HRH2: variants seen among roughly 807,000 people sequenced by gnomAD.
The protein encoded by HRH2 is histamine receptor H2.
A neutral mutation model predicts 20.1 loss-of-function variants in HRH2; 4 were observed. That is an observed-to-expected ratio of 0.20 (90% CI 0.10 to 0.45). The LOEUF (loss-of-function observed/expected upper bound fraction) is 0.45, where lower values mean the gene tolerates loss of function less well. HRH2 is among the 20% of genes least tolerant of loss of function. HRH2 has a pLI of 0.99. For missense variants in HRH2, 250 were observed against 461.6 expected (o/e 0.54, Z 4.20); for synonymous variants, 197 against 200.7 (o/e 0.98, Z 0.16).
intron 1 of HRH2, among the ~76,000 whole-genome samples, chr5:175,664,582 G>T (rs550328925): frequency 6.6e-6 from 1 of 152,144 alleles, no homozygotes; most frequent in African/African-American, 2.4e-5. Context: ...AATCAGCGGC[G>T]CAGACCTTGA....
At chr5:175,692,882 CTAA>C (rs1176573855) in intron 2 of HRH2, among the ~76,000 whole-genome samples, 5 of 152,208 alleles carry the variant, frequency 3.3e-5, no homozygotes, top group Non-Finnish European at 1.5e-5. Context: ...GTTTTTTATA[CTAA>C]TGAGTCGCTC....
chr5:175,678,508 G>A (rs184433309), intron 1 of HRH2, among the ~76,000 whole-genome samples: 40 of 152,310 alleles, frequency 2.6e-4, no homozygotes, highest in African/African-American at 9.6e-4. Flanking sequence ...CAGCAACAGC[G>A]CTGGAATTAG....
rs575534301 is a variant in HRH2 at position 175,687,781 on chromosome 5, A to C, written c.1076+3472A>C. Reference sequence around the variant, plus strand: ...TCACAGTGAGCTCCCTAAATTATGAATCTCAGTGTAGTGCCCCTGCTCAGG... The same window carrying C: ...TCACAGTGAGCTCCCTAAATTATGACTCTCAGTGTAGTGCCCCTGCTCAGG... On this transcript the variant is annotated intron_variant, in intron 2 of 2. Coordinates refer to ENST00000636584, the MANE Select transcript of HRH2 (RefSeq NM_001367711.1). This position sits in a 1 kb window ranked among gnomAD's most constrained non-coding sequence, Gnocchi z 5.2. 1.3e-5 allele frequency among the ~76,000 whole-genome samples: 2 copies of C among 151,994 alleles called. No individual in the cohort carries two copies. The highest frequency in any genetic ancestry group is 2.4e-5 in the African/African-American group (1 of 41,422).
At chr5:175,688,542 G>A (rs954946977) in intron 2 of HRH2, among the ~76,000 whole-genome samples, 2 of 152,264 alleles carry the variant, frequency 1.3e-5, no homozygotes, top group Admixed American at 1.3e-4. Context: ...CTCTACAGCA[G>A]GCGTTGTCAC....
chr5:175,701,742 C>T (rs1291733964), intron 2 of HRH2, among the ~76,000 whole-genome samples: 2 of 152,076 alleles, frequency 1.3e-5, no homozygotes, highest in Admixed American at 6.6e-5. Flanking sequence ...TGGGGAAGGT[C>T]GAATTCTGAA....
At chr5:175,685,522 TATG>T in intron 2 of HRH2, 1 of 1,504,048 alleles carries the variant, frequency 6.6e-7, no homozygotes, top group Non-Finnish European at 9.1e-7. Context: ...TGCCAGGAAT[TATG>T]ATGAATACTG....
chr5:175,689,992 G>A (rs527558284), intron 2 of HRH2, among the ~76,000 whole-genome samples: 1 of 152,350 alleles, frequency 6.6e-6, no homozygotes, highest in Non-Finnish European at 1.5e-5. Context: ...TGATACACAC[G>A]CTTCTGAAGA....
Position 175,683,578 on chromosome 5 carries a change from C to A in HRH2, c.345C>A (p.Asp115Glu). 1 of 1,614,192 alleles carries A rather than the reference C, an allele frequency of 6.2e-7. No individual in the cohort carries two copies. The highest frequency in any genetic ancestry group is 8.5e-7 in the Non-Finnish European group (1 of 1,180,042). The change falls in exon 2 of 3, where the codon GAC (aspartate) becomes GAA (glutamate). Residue 115 changes from aspartate (D) to glutamate (E), a missense_variant. Asp to Glu is a conservative substitution (Grantham distance 45, BLOSUM62 2). Transcript: ENST00000636584. The stretch of plus-strand genomic sequence containing the variant: ...TTAACCTCTTCATGATCAGCCTCGA[C>A]CGGTACTGCGCTGTCATGGACCCAC... Reference protein sequence around the residue: ...SILNLFMISLDRYCAVMDPLR... With the variant: ...SILNLFMISLERYCAVMDPLR...
Position 175,683,158 on chromosome 5 carries a change from G to T in HRH2, c.-76G>T. The T allele has an allele frequency of 6.6e-7, 1 of 1,516,040 alleles. No homozygotes were observed. The highest frequency in any genetic ancestry group is 8.9e-7 in the Non-Finnish European group (1 of 1,122,586). 93.9% of individuals were successfully genotyped at this position (1,516,040 alleles called of 1,614,324 possible). ...TTGGGAGCTTGGAGTCCAGTGGTTG[G>T]CATAGTTGTCACATTGGGAGCAGAG... On this transcript the variant is annotated 5_prime_UTR_variant, in exon 2 of 3. Transcript: ENST00000636584.
intron 1 of HRH2, among the ~76,000 whole-genome samples, chr5:175,659,092 C>G (rs2113461119): frequency 6.6e-6 from 1 of 152,216 alleles, no homozygotes; most frequent in African/African-American, 2.4e-5. Flanking sequence ...ATCGGTGAAG[C>G]TGGGTGGTGG....
At chr5:175,706,374 C>G (rs918621419) in intron 2 of HRH2, among the ~76,000 whole-genome samples, 1 of 152,176 alleles carries the variant, frequency 6.6e-6, no homozygotes, top group Non-Finnish European at 1.5e-5. Context: ...TGTTTATTTT[C>G]TTTTTAGTTA....
At chr5:175,670,163 G>A (rs1755474552) in intron 1 of HRH2, among the ~76,000 whole-genome samples, 1 of 152,114 alleles carries the variant, frequency 6.6e-6, no homozygotes. Context: ...AAGAGTAATT[G>A]GAGCCAGGCC....
chr5:175,683,081 A>AC lies in HRH2; in HGVS notation c.-148dup. 1.2e-6 allele frequency: 1 copy of AC among 863,994 alleles called. No homozygotes were observed. The highest frequency in any genetic ancestry group is 1.8e-5 in the South Asian group (1 of 56,916). 53.5% of individuals were successfully genotyped at this position (863,994 alleles called of 1,614,324 possible). A position where few individuals can be genotyped will look rare whatever the true frequency, so the allele number is the denominator to read the frequency against. On this transcript the variant is annotated 5_prime_UTR_variant, in exon 2 of 3. Coordinates refer to ENST00000636584, the MANE Select transcript of HRH2 (RefSeq NM_001367711.1). ...AGAGTCAGTCATTGAAGCCTTCCCC[A>AC]CCCCCTGGCCAAAAAAAAAAAAAAA...
chr5:175,690,628 C>A (rs73806116), intron 2 of HRH2, among the ~76,000 whole-genome samples: 1 of 151,962 alleles, frequency 6.6e-6, no homozygotes, highest in Non-Finnish European at 1.5e-5. Context: ...AGGATTCACC[C>A]GTTTAAAGTG....
In HRH2 at chr5:175,708,944, C is replaced by A. The variant is rs1757021701; in HGVS notation, c.*973C>A. The A allele has an allele frequency of 6.6e-6, 1 of 152,180 alleles. No homozygotes were observed. Among genetic ancestry groups the A allele is most frequent in the East Asian group, 1.9e-4 (1 of 5,154 alleles). 9.4% of individuals were successfully genotyped at this position (152,180 alleles called of 1,614,324 possible). ...TGGTTGTGAATGGGGGAGTTGGCCC[C>A]CAGCACTCTCTGGTGGCCGTATGAC... is the stretch of plus-strand genomic sequence containing the variant. On this transcript the variant is annotated 3_prime_UTR_variant, in exon 3 of 3. Coordinates refer to ENST00000636584, the MANE Select transcript of HRH2 (RefSeq NM_001367711.1).
At position 175,687,343 on chromosome 5, in the gene HRH2, C is replaced by T. The variant is rs556872463; in HGVS notation, c.1076+3034C>T. On this transcript the variant is annotated intron_variant, in intron 2 of 2. Transcript: ENST00000636584. This position sits in a 1 kb window ranked among gnomAD's most constrained non-coding sequence, Gnocchi z 5.2. ...CCAGCTCTCCGTCTGGGGACAAACC[C>T]GCACTGACCCAGAGCCGTTATCACT... is the stretch of plus-strand genomic sequence containing the variant. 3.0e-4 allele frequency among the ~76,000 whole-genome samples: 46 copies of T among 152,278 alleles called. No individual in the cohort carries two copies. The highest frequency in any genetic ancestry group is 1.6e-3 in the Admixed American group (24 of 15,306).
At chr5:175,698,296 C>T (rs1312934578) in intron 2 of HRH2, among the ~76,000 whole-genome samples, 6 of 152,184 alleles carry the variant, frequency 3.9e-5, no homozygotes, top group African/African-American at 4.8e-5. Flanking sequence ...GCCGTTTCGC[C>T]TAATCCATTT....
intron 1 of HRH2, among the ~76,000 whole-genome samples, chr5:175,680,434 G>C (rs917215222): frequency 6.6e-6 from 1 of 152,220 alleles, no homozygotes; most frequent in African/African-American, 2.4e-5. Context: ...TCACTTCCTG[G>C]TGGAGGGGCT....
At position 175,664,108 on chromosome 5, in the gene HRH2, C is replaced by A. The variant is rs140151201; in HGVS notation, c.-526+5953C>A. ...GCCCCATGGGGACAGTCTGCAGGAG[C>A]GTGTGGCAGCTTTGACCTGCCACCC... On this transcript the variant is annotated intron_variant, in intron 1 of 2. Coordinates refer to ENST00000636584, the MANE Select transcript of HRH2 (RefSeq NM_001367711.1). Among the ~76,000 whole-genome samples, 275 of 152,270 alleles carry A rather than the reference C, an allele frequency of 1.8e-3. 2 individuals are homozygous for A. Among genetic ancestry groups the A allele is most frequent in the Non-Finnish European group, 1.1e-3 (73 of 68,018 alleles).
Sources: gnomAD v4.1 joint callset for allele counts (sites outside exome capture counted in the v4.1 genomes callset) on GRCh38, gnomAD v4.1.1 for gene constraint, Gnocchi (gnomAD v3.1) non-coding constraint, MANE v1.5 for transcripts, NCBI Gene and HGNC (gene_info 2026-07-23, HGNC 2026-07-21) for gene names.